The following CDH15 variants were observed in gnomAD, a reference collection of about 807,000 sequenced individuals.
CDH15 encodes the protein cadherin-15.
Under a neutral mutation model 69.4 loss-of-function variants are expected in CDH15, and 73 were observed. The observed-to-expected ratio is 1.05, with a 90% CI of 0.87 to 1.28. CDH15 has a LOEUF of 1.28. Ranked by LOEUF, CDH15 falls within the 50% of genes most tolerant of loss-of-function variation. The pLI, the probability that CDH15 is intolerant of heterozygous loss-of-function variation, is 0.00. For synonymous variants in CDH15, 624 were observed against 507.7 expected (o/e 1.23, Z -3.08); for missense variants, 1,343 against 1,133.6 (o/e 1.18, Z -2.65).
intron 5 of CDH15, 143 bp downstream of exon 5, chr16:89,185,476 G>A (rs1200673929): frequency 1.0e-6 from 1 of 974,364 alleles, no homozygotes; most frequent in South Asian, 1.4e-5. Context: ...GGCTCCTGAG[G>A]AGATGGCATG....
At chr16:89,180,075 G>A (rs574158402) in intron 2 of CDH15, 125 bp from the exon 3 acceptor site, 27 of 1,047,416 alleles carry the variant, frequency 2.6e-5, no homozygotes, top group East Asian at 1.6e-4. Context: ...ACCAGGATCC[G>A]TCCTCCAGTC....
chr16:89,180,834 C>T (rs1411146626), intron 3 of CDH15, among the ~76,000 whole-genome samples: 1 of 152,136 alleles, frequency 6.6e-6, no homozygotes, highest in Non-Finnish European at 1.5e-5. Context: ...CGCCATTCTC[C>T]TGCCTCAGCC....
chr16:89,187,610 C>T (rs1033124851), intron 6 of CDH15, 53 bp downstream of exon 6: 25 of 1,608,528 alleles, frequency 1.6e-5, no homozygotes, highest in Middle Eastern at 1.6e-4. Flanking sequence ...GCTGCCTTCC[C>T]TTCTTGGGCT....
chr16:89,179,358 C>A, intron 1 of CDH15, 58 bp from the exon 2 acceptor site: 1 of 1,600,960 alleles, frequency 6.2e-7, no homozygotes, highest in Non-Finnish European at 8.5e-7. Context: ...CCCAGCTGCA[C>A]GCTGCCGCCC....
At chr16:89,187,604 C>T (rs768083907) in intron 6 of CDH15, 47 bp downstream of exon 6, 9 of 1,610,898 alleles carry the variant, frequency 5.6e-6, no homozygotes, top group Non-Finnish European at 7.6e-6. Context: ...CTTAGAGCTG[C>T]CTTCCCTTCT....
intron 5 of CDH15, among the ~76,000 whole-genome samples, chr16:89,186,505 C>A (rs112456144): frequency 3.6e-5 from 4 of 111,316 alleles, no homozygotes; most frequent in Non-Finnish European, 7.5e-5. Flanking sequence ...GCTCTGTAAA[C>A]GCTTACCCAG....
Position 89,180,421 on chromosome 16 carries a change from T to A in CDH15, c.357+66T>A, listed in dbSNP as rs546580091. Reference sequence around the variant, plus strand: ...CCTGGTGGAAAGCCAGTGCCCCTCCTCCCCACCAGGCTTCTCCTCCCCGCT... The same window carrying A: ...CCTGGTGGAAAGCCAGTGCCCCTCCACCCCACCAGGCTTCTCCTCCCCGCT... On this transcript the variant is annotated intron_variant, in intron 3 of 13. Coordinates refer to ENST00000289746, the MANE Select transcript of CDH15 (RefSeq NM_004933.3). 4 of 1,542,370 alleles carry A rather than the reference T, an allele frequency of 2.6e-6. No homozygotes were observed. The African/African-American group carries it at 5.5e-5, about 21-fold the overall frequency.
rs1333174860 is a variant in CDH15 at position 89,193,764 on chromosome 16, G to A, written c.2002G>A (p.Asp668Asn). 3.7e-6 allele frequency: 6 copies of A among 1,603,954 alleles called. No individual in the cohort carries two copies. The highest frequency in any genetic ancestry group is 2.5e-6 in the Non-Finnish European group (3 of 1,178,862). The change falls in exon 13 of 14, where the codon GAC becomes AAC. Residue 668 changes from aspartate (D) to asparagine (N), a missense_variant. Asp to Asn is a conservative substitution (Grantham distance 23, BLOSUM62 1). Transcript: ENST00000289746. Reference protein sequence around the residue: ...GGGEEDQDAYDISQLRHPTAL... With the variant: ...GGGEEDQDAYNISQLRHPTAL... ...ACCTCCTCGCCCACAGGACGCCTACGACATCAGCCAGCTGCGTCACCCGAC... is the reference window on the plus strand; with the variant it reads ...ACCTCCTCGCCCACAGGACGCCTACAACATCAGCCAGCTGCGTCACCCGAC...
chr16:89,179,559 C>G lies in CDH15; in HGVS notation c.186C>G (p.Pro62=). ...ISVSENHKRL[P]YPLVQIKSDK... is the part of the protein sequence containing the mutation. Reference sequence around the variant, plus strand: ...TATCCGAGAACCACAAGCGTCTCCCCTACCCCCTGGTTCAGGTGAGCAGGT... The same window carrying G: ...TATCCGAGAACCACAAGCGTCTCCCGTACCCCCTGGTTCAGGTGAGCAGGT... Residue 62 remains proline, a synonymous_variant, in exon 2 of 14, where the codon CCC becomes CCG. Coordinates refer to ENST00000289746, the MANE Select transcript of CDH15 (RefSeq NM_004933.3). The G allele has an allele frequency of 6.3e-7, 1 of 1,597,126 alleles. No homozygotes were observed. Among genetic ancestry groups the G allele is most frequent in the South Asian group, 1.1e-5 (1 of 89,684 alleles).
At chr16:89,174,290 T>A (rs1451156942) in intron 1 of CDH15, among the ~76,000 whole-genome samples, 1 of 151,900 alleles carries the variant, frequency 6.6e-6, no homozygotes, top group African/African-American at 2.4e-5. Context: ...TGGCCCCAGA[T>A]TCCAGCCTGG....
chr16:89,194,248 C>A (rs1036714978), intron 13 of CDH15, among the ~76,000 whole-genome samples: 1 of 152,100 alleles, frequency 6.6e-6, no homozygotes, highest in African/African-American at 2.4e-5. Context: ...TCAGCGGAAT[C>A]AGGGCCTCCA....
At chr16:89,188,624 A>G (rs117607956) in intron 7 of CDH15, among the ~76,000 whole-genome samples, 3,725 of 141,696 alleles carry the variant, frequency 0.026, 150 homozygotes, top group East Asian at 0.11. Flanking sequence ...AGATGCCGGC[A>G]CACACAGATG....
chr16:89,189,628 A>G (rs1915593172), intron 7 of CDH15, among the ~76,000 whole-genome samples: 1 of 152,220 alleles, frequency 6.6e-6, no homozygotes, highest in Non-Finnish European at 1.5e-5. Context: ...CTCCTTTCAT[A>G]TGGAATCCAT....
At chr16:89,172,178 T>C (rs1915171403) in intron 1 of CDH15, among the ~76,000 whole-genome samples, 1 of 152,000 alleles carries the variant, frequency 6.6e-6, no homozygotes, top group Admixed American at 6.5e-5. Context: ...GAGGAACCGC[T>C]GCCGGGGTCT....
intron 1 of CDH15, among the ~76,000 whole-genome samples, chr16:89,176,345 G>C (rs1487054511): frequency 6.6e-6 from 1 of 152,220 alleles, no homozygotes; most frequent in Non-Finnish European, 1.5e-5. Flanking sequence ...CAGGGGCGTG[G>C]TGGTCAGAGT....
intron 13 of CDH15, 55 bp from the exon 14 acceptor site, chr16:89,194,807 G>A: frequency 1.9e-6 from 3 of 1,539,722 alleles, no homozygotes; most frequent in South Asian, 2.3e-5. Context: ...GGCCACGGCG[G>A]TGGGGCACCC....
chr16:89,176,110 T>C (rs767760157), intron 1 of CDH15, among the ~76,000 whole-genome samples: 4 of 152,196 alleles, frequency 2.6e-5, no homozygotes, highest in Non-Finnish European at 4.4e-5. Context: ...CCAAGCCTAA[T>C]GGGGGTTCGG....
At chr16:89,176,961 G>A (rs746021303) in intron 1 of CDH15, among the ~76,000 whole-genome samples, 8 of 152,166 alleles carry the variant, frequency 5.3e-5, no homozygotes, top group Non-Finnish European at 8.8e-5. Context: ...CATGGCCCGG[G>A]GTAGGGGGTC....
chr16:89,187,346 G>C, intron 5 of CDH15, 83 bp from the exon 6 acceptor site: 5 of 1,560,910 alleles, frequency 3.2e-6, no homozygotes, highest in Non-Finnish European at 4.4e-6. Context: ...GAGCTGGCCA[G>C]GTGGCCTGGC....
Sources: allele counts gnomAD v4.1 joint callset (sites outside exome capture counted in the v4.1 genomes callset), GRCh38; gene constraint gnomAD v4.1.1; transcripts MANE v1.5; gene names NCBI Gene and HGNC (gene_info 2026-07-23, HGNC 2026-07-21).